Variants in CTNNA3 observed in about 807,000 individuals in gnomAD.
The protein encoded by CTNNA3 is catenin alpha-3.
CTNNA3 carries 76 observed loss-of-function variants against 95.7 expected under a neutral mutation model. The ratio of observed to expected loss-of-function variants is 0.79; its 90% CI spans 0.66 to 0.96. CTNNA3 has a LOEUF of 0.96. CTNNA3 is among the 40% of genes least tolerant of loss of function. CTNNA3 has a pLI of 0.00. For missense variants in CTNNA3, 1,191 were observed against 1,089.8 expected, an observed-to-expected ratio of 1.09 and a Z score of -1.31; for synonymous variants, 431 against 374.4, an observed-to-expected ratio of 1.15 and a Z score of -1.74.
At chr10:66,982,214 A>C (rs1589542909) in intron 7 of CTNNA3, among the ~76,000 whole-genome samples, 1 of 152,326 alleles carries the variant, frequency 6.6e-6, no homozygotes, top group Middle Eastern at 3.4e-3. Context: ...GAGCCCCTTT[A>C]AGGGCAGCCA....
chr10:67,363,057 A>T (rs1341240944), intron 5 of CTNNA3, among the ~76,000 whole-genome samples: 1 of 151,524 alleles, frequency 6.6e-6, no homozygotes, highest in Non-Finnish European at 1.5e-5. Flanking sequence ...CATCTAACCA[A>T]GGAGGTAAAA....
chr10:67,491,282 T>C (rs1223832125), intron 5 of CTNNA3, among the ~76,000 whole-genome samples: 1 of 152,174 alleles, frequency 6.6e-6, no homozygotes, highest in Non-Finnish European at 1.5e-5. Context: ...CAACCATTTA[T>C]TAAAACATTA....
intron 1 of CTNNA3, among the ~76,000 whole-genome samples, chr10:67,651,171 A>G (rs1564809732): frequency 6.6e-6 from 1 of 152,210 alleles, no homozygotes; most frequent in East Asian, 1.9e-4. Context: ...TTAGTTTGTA[A>G]GGTGATGGCT....
At chr10:67,620,513 C>T (rs1843794278) in intron 2 of CTNNA3, among the ~76,000 whole-genome samples, 1 of 152,116 alleles carries the variant, frequency 6.6e-6, no homozygotes, top group South Asian at 2.1e-4. Flanking sequence ...CATCAGTTTA[C>T]CATCTTATTG....
intron 3 of CTNNA3, among the ~76,000 whole-genome samples, chr10:67,603,034 A>G (rs1027613170): frequency 6.6e-6 from 1 of 152,222 alleles, no homozygotes; most frequent in African/African-American, 2.4e-5. Flanking sequence ...GCCACGCTCA[A>G]TAAATTAACT....
At chr10:67,540,478 A>C (rs1184704583) in intron 3 of CTNNA3, among the ~76,000 whole-genome samples, 2 of 151,952 alleles carry the variant, frequency 1.3e-5, no homozygotes, top group Non-Finnish European at 2.9e-5. Context: ...AAAATTTTAA[A>C]AGTCTCCAAA....
chr10:66,747,256 G>C (rs1838923453), intron 9 of CTNNA3, among the ~76,000 whole-genome samples: 1 of 152,226 alleles, frequency 6.6e-6, no homozygotes, highest in Admixed American at 6.5e-5. Context: ...GATAGAAAAG[G>C]CACTCAGTCT....
chr10:66,906,486 A>C (rs1363613438), intron 7 of CTNNA3, among the ~76,000 whole-genome samples: 1 of 152,182 alleles, frequency 6.6e-6, no homozygotes, highest in Admixed American at 6.5e-5. Flanking sequence ...GAGAAAGTCT[A>C]TCTTCAAAAG....
chr10:66,773,041 A>G (rs945829514), intron 8 of CTNNA3, among the ~76,000 whole-genome samples: 2 of 152,234 alleles, frequency 1.3e-5, no homozygotes, highest in Non-Finnish European at 2.9e-5. Flanking sequence ...AACAAGAAGT[A>G]GAGATAACTT....
chr10:67,150,700 G>A (rs77109933), intron 7 of CTNNA3, among the ~76,000 whole-genome samples: 4,211 of 152,224 alleles, frequency 0.028, 164 homozygotes, highest in African/African-American at 0.088. Flanking sequence ...TACAAAACTT[G>A]TGAGAGTTTA....
At chr10:66,634,674 C>A (rs1845274707) in intron 9 of CTNNA3, among the ~76,000 whole-genome samples, 1 of 150,528 alleles carries the variant, frequency 6.6e-6, no homozygotes, top group Non-Finnish European at 1.5e-5. Flanking sequence ...ACATTTCTTC[C>A]TTTTTCCTAT....
chr10:66,763,836 G>T (rs1839723860), intron 9 of CTNNA3, among the ~76,000 whole-genome samples: 1 of 152,096 alleles, frequency 6.6e-6, no homozygotes. Flanking sequence ...GCCCCCAACT[G>T]ACAGTTAACG....
chr10:67,602,534 G>A (rs1843117975), intron 3 of CTNNA3, among the ~76,000 whole-genome samples: 1 of 152,182 alleles, frequency 6.6e-6, no homozygotes, highest in Non-Finnish European at 1.5e-5. Context: ...TACAGCATAT[G>A]ACATGTAGAG....
At chr10:67,044,506 C>T (rs1854606450) in intron 7 of CTNNA3, among the ~76,000 whole-genome samples, 1 of 152,112 alleles carries the variant, frequency 6.6e-6, no homozygotes, top group Admixed American at 6.5e-5. Flanking sequence ...ACTTTTGATG[C>T]TATCTGGAAA....
At chr10:66,609,216 T>C (rs1844240875) in intron 10 of CTNNA3, among the ~76,000 whole-genome samples, 1 of 151,244 alleles carries the variant, frequency 6.6e-6, no homozygotes, top group Non-Finnish European at 1.5e-5. Flanking sequence ...TGTGCCACCA[T>C]GCCAGGCTAA....
chr10:66,832,299 T>G (rs1195702479), intron 7 of CTNNA3, among the ~76,000 whole-genome samples: 1 of 152,098 alleles, frequency 6.6e-6, no homozygotes, highest in Non-Finnish European at 1.5e-5. Flanking sequence ...GAAAGTCTCA[T>G]GTAGATATCT....
chr10:67,276,852 A>T (rs1176533826), intron 5 of CTNNA3, among the ~76,000 whole-genome samples: 1 of 151,840 alleles, frequency 6.6e-6, no homozygotes, highest in East Asian at 1.9e-4. Context: ...AAGGTTTAAG[A>T]AGCCTATATA....
intron 9 of CTNNA3, among the ~76,000 whole-genome samples, chr10:66,634,942 T>A (rs2132356463): frequency 6.6e-6 from 1 of 152,248 alleles, no homozygotes; most frequent in Middle Eastern, 3.4e-3. Flanking sequence ...GAAATATATG[T>A]TACATAGCTC....
chr10:67,231,180 A>G (rs1434727335), intron 5 of CTNNA3, among the ~76,000 whole-genome samples: 2 of 152,248 alleles, frequency 1.3e-5, no homozygotes, highest in Non-Finnish European at 2.9e-5. Context: ...ACCACAGCTC[A>G]AGGAGGCCTG....
Sources: gnomAD v4.1 joint callset for allele counts (sites outside exome capture counted in the v4.1 genomes callset) on GRCh38, gnomAD v4.1.1 for gene constraint, MANE v1.5 for transcripts, NCBI Gene and HGNC (gene_info 2026-07-23, HGNC 2026-07-21) for gene names.